Variants in COP1 observed in about 807,000 individuals in gnomAD.
COP1 encodes E3 ubiquitin-protein ligase COP1.
COP1 carries 24 observed loss-of-function variants against 101.3 expected under a neutral mutation model. The ratio of observed to expected loss-of-function variants is 0.24; its 90% CI spans 0.17 to 0.33. The LOEUF is 0.33. Among genes scored for constraint, COP1 ranks in the 10% least tolerant of loss-of-function variants. COP1 has a pLI of 1.00. For missense variants in COP1, 663 were observed against 906.2 expected (o/e 0.73, Z 3.45); for synonymous variants, 347 against 341.9 (o/e 1.01, Z -0.17).
At chr1:176,049,917 G>C (rs1055484708) in intron 11 of COP1, among the ~76,000 whole-genome samples, 7 of 152,052 alleles carry the variant, frequency 4.6e-5, no homozygotes, top group Non-Finnish European at 7.4e-5. Context: ...CTAAATAAAA[G>C]GTAAACTAAT....
intron 15 of COP1, among the ~76,000 whole-genome samples, chr1:176,003,918 T>C (rs994644022): frequency 2.6e-5 from 4 of 152,224 alleles, no homozygotes; most frequent in Non-Finnish European, 4.4e-5. Flanking sequence ...GGGGATGGCA[T>C]TGAATCTGTA....
chr1:176,097,919 C>T (rs1682716381), intron 9 of COP1, among the ~76,000 whole-genome samples: 2 of 137,564 alleles, frequency 1.5e-5, no homozygotes, highest in African/African-American at 5.4e-5. Flanking sequence ...GGAAGATAAA[C>T]ACTTTGATCA....
At chr1:176,007,965 A>G (rs1663765510) in intron 15 of COP1, among the ~76,000 whole-genome samples, 1 of 151,748 alleles carries the variant, frequency 6.6e-6, no homozygotes. Flanking sequence ...TTGCAGTTTG[A>G]TCTCAGACTG....
chr1:176,181,929 T>A (rs74771610), intron 2 of COP1, among the ~76,000 whole-genome samples: 1,639 of 152,134 alleles, frequency 0.011, 14 homozygotes, highest in Non-Finnish European at 0.018. Flanking sequence ...AATAAGGATC[T>A]AAGCCTAAAT....
intron 18 of COP1, among the ~76,000 whole-genome samples, chr1:175,967,512 CAAACAAACA>C (rs1558170417): frequency 2.0e-5 from 3 of 151,608 alleles, no homozygotes; most frequent in Admixed American, 6.6e-5. Flanking sequence ...AACAAACAAA[CAAACAAACA>C]AACCCAGCTG....
chr1:176,074,791 G>GAA (rs79480972), intron 11 of COP1, among the ~76,000 whole-genome samples: 5,532 of 107,226 alleles, frequency 0.052, 123 homozygotes, highest in Non-Finnish European at 0.061. Flanking sequence ...TTTCAGGAAT[G>GAA]AAAAAAAAAA....
chr1:175,955,088 A>C (rs1294793711), intron 18 of COP1, among the ~76,000 whole-genome samples: 1 of 152,006 alleles, frequency 6.6e-6, no homozygotes, highest in Non-Finnish European at 1.5e-5. Context: ...TCTATCAAAA[A>C]CACAAAAAAT....
chr1:175,994,604 G>C, intron 15 of COP1, among the ~76,000 whole-genome samples: 1 of 152,138 alleles, frequency 6.6e-6, no homozygotes, highest in East Asian at 1.9e-4. Context: ...CCTAGTCTCT[G>C]ATAAAACAGA....
chr1:176,158,617 T>G (rs1376157128), intron 5 of COP1, among the ~76,000 whole-genome samples: 3 of 148,570 alleles, frequency 2.0e-5, no homozygotes, highest in African/African-American at 7.4e-5. Context: ...GAAAGTATAC[T>G]GTTTTTAAGG....
In COP1 at chr1:176,085,884, T is replaced by C; in HGVS notation, c.1033A>G (p.Lys345Glu). 6.3e-7 allele frequency: 1 copy of C among 1,575,524 alleles called. No homozygotes were observed. The highest frequency in any genetic ancestry group is 8.7e-7 in the Non-Finnish European group (1 of 1,149,502). Residue 345 changes from lysine (K) to glutamate (E), a missense_variant, in exon 10 of 20, where the codon AAA becomes GAA. Lys to Glu is a moderately conservative substitution (Grantham distance 56, BLOSUM62 1). This residue lies in a region of COP1 where 212 missense variants were observed against 240.7 expected (regional missense o/e 0.88). Coordinates refer to ENST00000367669, the MANE Select transcript of COP1 (RefSeq NM_022457.7). ...AACGTGCTATTATACCAAGGCTGTTTCTTTGTCTAAAATAATAAGAAAAGA... is the reference window on the plus strand; with the variant it reads ...AACGTGCTATTATACCAAGGCTGTTCCTTTGTCTAAAATAATAAGAAAAGA... ...PGFSGSSQTK[K>E]QPWYNSTLAS...
intron 11 of COP1, among the ~76,000 whole-genome samples, chr1:176,047,183 T>G (rs1671671109): frequency 1.3e-5 from 2 of 152,172 alleles, no homozygotes; most frequent in South Asian, 4.1e-4. Context: ...TCAATATGAT[T>G]TAAGCATCTT....
At chr1:176,000,318 G>T (rs1661282942) in intron 15 of COP1, among the ~76,000 whole-genome samples, 1 of 151,940 alleles carries the variant, frequency 6.6e-6, no homozygotes, top group African/African-American at 2.4e-5. Context: ...TCTGCAAACG[G>T]ATATCCAGTT....
intron 15 of COP1, among the ~76,000 whole-genome samples, chr1:176,023,768 C>T (rs960607969): frequency 2.7e-5 from 4 of 148,434 alleles, no homozygotes; most frequent in African/African-American, 7.5e-5. Flanking sequence ...AAAGTAAACA[C>T]ATTGAATTAG....
At chr1:176,086,929 G>C (rs1433400977) in intron 9 of COP1, among the ~76,000 whole-genome samples, 1 of 152,130 alleles carries the variant, frequency 6.6e-6, no homozygotes, top group Non-Finnish European at 1.5e-5. Context: ...CAATCGAACA[G>C]AACAGATGCC....
At chr1:176,078,213 C>A (rs2149383609) in intron 11 of COP1, among the ~76,000 whole-genome samples, 1 of 152,148 alleles carries the variant, frequency 6.6e-6, no homozygotes, top group East Asian at 1.9e-4. Flanking sequence ...ATGAACATAC[C>A]TGGAGGCATC....
intron 14 of COP1, among the ~76,000 whole-genome samples, chr1:176,038,817 C>CAAAAAAAAA (rs57682179): frequency 7.5e-6 from 1 of 133,716 alleles, no homozygotes; most frequent in Non-Finnish European, 1.6e-5. Context: ...GACTCCATCT[C>CAAAAAAAAA]AAAAAAAAAA....
chr1:175,958,349 T>C (rs1041555910), intron 18 of COP1, among the ~76,000 whole-genome samples: 11 of 130,552 alleles, frequency 8.4e-5, no homozygotes, highest in South Asian at 2.7e-4. Context: ...ATCACTACTA[T>C]ATTTATGAGA....
chr1:176,197,426 G>A (rs1303176167), intron 1 of COP1, among the ~76,000 whole-genome samples: 1 of 152,086 alleles, frequency 6.6e-6, no homozygotes, highest in Non-Finnish European at 1.5e-5. Flanking sequence ...TTGAAAAAAA[G>A]AAAGGAAACA....
intron 11 of COP1, among the ~76,000 whole-genome samples, chr1:176,064,439 A>G (rs570025181): frequency 6.6e-6 from 1 of 152,178 alleles, no homozygotes; most frequent in Non-Finnish European, 1.5e-5. Flanking sequence ...CCTGAGTATA[A>G]TTTGTCAAAT....
Sources: allele counts gnomAD v4.1 joint callset (sites outside exome capture counted in the v4.1 genomes callset), GRCh38; gene constraint gnomAD v4.1.1; regional missense constraint gnomAD v4.1.1; transcripts MANE v1.5; gene names NCBI Gene and HGNC (gene_info 2026-07-23, HGNC 2026-07-21).